Variants in LARGE1 observed in about 807,000 individuals in gnomAD.
The protein encoded by LARGE1 is LARGE xylosyl- and glucuronyltransferase 1, also known as xylosyl- and glucuronyltransferase LARGE1.
A neutral mutation model predicts 87.6 loss-of-function variants in LARGE1; 43 were observed. The ratio of observed to expected loss-of-function variants is 0.49; its 90% CI spans 0.38 to 0.63. The LOEUF is 0.63. Ranked by LOEUF, LARGE1 falls within the 30% of genes least tolerant of loss-of-function variation. LARGE1 has a pLI of 0.00. For synonymous variants in LARGE1, 434 were observed against 394.6 expected, an observed-to-expected ratio of 1.10 and a Z score of -1.18; for missense variants, 802 against 1,000.2, an observed-to-expected ratio of 0.80 and a Z score of 2.67.
At chr22:33,284,859 A>G (rs1262965248) in intron 12 of LARGE1, among the ~76,000 whole-genome samples, 2 of 151,950 alleles carry the variant, frequency 1.3e-5, no homozygotes, top group South Asian at 2.1e-4. Context: ...ACAGGTGTGC[A>G]CCACTGCGCC....
chr22:33,855,203 C>T (rs1046263876), intron 1 of LARGE1, among the ~76,000 whole-genome samples: 5 of 151,978 alleles, frequency 3.3e-5, no homozygotes, highest in South Asian at 2.1e-4. Flanking sequence ...GGTGTGGTGG[C>T]GGTACCTGTA....
chr22:33,594,343 C>A (rs1243256885), intron 5 of LARGE1, among the ~76,000 whole-genome samples: 2 of 152,086 alleles, frequency 1.3e-5, no homozygotes, highest in Non-Finnish European at 2.9e-5. Context: ...GCCACTCAAT[C>A]CCAGGCTAAC....
At chr22:33,514,229 G>C (rs1413097506) in intron 6 of LARGE1, among the ~76,000 whole-genome samples, 1 of 151,832 alleles carries the variant, frequency 6.6e-6, no homozygotes, top group Non-Finnish European at 1.5e-5. Flanking sequence ...AGGGATGACT[G>C]TGTGTGTATA....
intron 10 of LARGE1, among the ~76,000 whole-genome samples, chr22:33,326,281 A>T (rs2146423713): frequency 6.6e-6 from 1 of 152,302 alleles, no homozygotes; most frequent in African/African-American, 2.4e-5. Flanking sequence ...TTCACGCATC[A>T]CATACAATTC....
intron 1 of LARGE1, among the ~76,000 whole-genome samples, chr22:33,843,248 G>A (rs989946671): frequency 1.3e-5 from 2 of 151,982 alleles, no homozygotes; most frequent in African/African-American, 4.8e-5. Flanking sequence ...GTCCCTTCCA[G>A]ACTGGAAGGC....
intron 2 of LARGE1, among the ~76,000 whole-genome samples, chr22:33,667,242 C>CT (rs1337164859): frequency 6.6e-6 from 1 of 152,234 alleles, no homozygotes; most frequent in South Asian, 2.1e-4. Flanking sequence ...ATTCCTGACA[C>CT]TTTTTTTCCA....
intron 8 of LARGE1, among the ~76,000 whole-genome samples, chr22:33,383,536 G>A (rs1169895569): frequency 6.6e-6 from 1 of 152,044 alleles, no homozygotes; most frequent in Non-Finnish European, 1.5e-5. Flanking sequence ...TTCCAGCCTG[G>A]GTGACAGAGC....
At chr22:33,498,007 C>T (rs1386402533) in intron 6 of LARGE1, among the ~76,000 whole-genome samples, 4 of 152,110 alleles carry the variant, frequency 2.6e-5, no homozygotes, top group East Asian at 1.9e-4. Flanking sequence ...CTCAGCCTCC[C>T]GAGTAGCTGT....
chr22:33,415,915 T>A (rs143506663), intron 7 of LARGE1, among the ~76,000 whole-genome samples: 1 of 152,276 alleles, frequency 6.6e-6, no homozygotes, highest in Non-Finnish European at 1.5e-5. Context: ...AACTGCCTGG[T>A]TACCGTTCAG....
chr22:33,404,268 C>A (rs2066022575), intron 7 of LARGE1, among the ~76,000 whole-genome samples: 1 of 152,102 alleles, frequency 6.6e-6, no homozygotes, highest in South Asian at 2.1e-4. Flanking sequence ...GGAACTTAGG[C>A]AGAATTAGCC....
chr22:33,456,763 G>A (rs527994133), intron 6 of LARGE1, among the ~76,000 whole-genome samples: 1 of 152,310 alleles, frequency 6.6e-6, no homozygotes, highest in East Asian at 1.9e-4. Context: ...GGAAGCAGCT[G>A]CAACTCTGAG....
chr22:33,568,703 T>G (rs540659220), intron 5 of LARGE1, among the ~76,000 whole-genome samples: 1 of 142,010 alleles, frequency 7.0e-6, no homozygotes, highest in South Asian at 2.2e-4. Flanking sequence ...GAAGCGGAAG[T>G]TGCGGTGAGC....
chr22:33,216,926 G>A (rs1925234363), intron 11 of LARGE1, among the ~76,000 whole-genome samples: 1 of 152,184 alleles, frequency 6.6e-6, no homozygotes, highest in African/African-American at 2.4e-5. Flanking sequence ...TTTGCTGCAG[G>A]TGCTCAGTCT....
At chr22:33,197,451 A>C (rs1378678476) in intron 11 of LARGE1, among the ~76,000 whole-genome samples, 1 of 152,066 alleles carries the variant, frequency 6.6e-6, no homozygotes, top group African/African-American at 2.4e-5. Context: ...AATTTGCAGA[A>C]TATAAGGTTA....
chr22:33,256,041 T>A (rs183144739), intron 11 of LARGE1, among the ~76,000 whole-genome samples: 1 of 152,216 alleles, frequency 6.6e-6, no homozygotes, highest in Non-Finnish European at 1.5e-5. Flanking sequence ...TTGTCCCTTA[T>A]TGATCTAAAT....
At chr22:33,406,981 C>G (rs1186698570) in intron 7 of LARGE1, among the ~76,000 whole-genome samples, 1 of 151,872 alleles carries the variant, frequency 6.6e-6, no homozygotes, top group Non-Finnish European at 1.5e-5. Context: ...TTAGCAGAGA[C>G]GGGGTTTCAC....
At chr22:33,455,709 AT>A (rs1162619002) in intron 6 of LARGE1, among the ~76,000 whole-genome samples, 2 of 142,416 alleles carry the variant, frequency 1.4e-5, no homozygotes, top group Admixed American at 7.5e-5. Flanking sequence ...AGCTGAGATC[AT>A]GCCACTGCAC....
chr22:33,629,563 T>C (rs1809998103), intron 3 of LARGE1, among the ~76,000 whole-genome samples: 1 of 152,022 alleles, frequency 6.6e-6, no homozygotes, highest in South Asian at 2.1e-4. Flanking sequence ...TAGAGGAGTT[T>C]TGGGTGTTCC....
chr22:33,286,926 G>A (rs768633657), intron 12 of LARGE1, among the ~76,000 whole-genome samples: 22 of 152,186 alleles, frequency 1.4e-4, no homozygotes, highest in Non-Finnish European at 2.8e-4. Flanking sequence ...CTCTCTGCCT[G>A]CCCTACCTGC....
Sources: allele counts gnomAD v4.1 joint callset (sites outside exome capture counted in the v4.1 genomes callset), GRCh38; gene constraint gnomAD v4.1.1; transcripts MANE v1.5; gene names NCBI Gene and HGNC (gene_info 2026-07-23, HGNC 2026-07-21).